The following RFX7 variants were observed in gnomAD, a reference collection of about 807,000 sequenced individuals.
The protein encoded by RFX7 is DNA-binding protein RFX7.
RFX7 carries 26 observed loss-of-function variants against 111.8 expected under a neutral mutation model. That is an observed-to-expected ratio of 0.23 (90% confidence interval 0.17 to 0.32). The LOEUF (loss-of-function observed/expected upper bound fraction) is 0.32, where lower values mean the gene tolerates loss of function less well. Among genes scored for constraint, RFX7 ranks in the 10% least tolerant of loss-of-function variants. The probability of loss-of-function intolerance (pLI) is 1.00; values close to 1 mark genes in which losing one functional copy is unlikely to be tolerated. For missense variants in RFX7, 1,573 were observed against 1,772.9 expected, an observed-to-expected ratio of 0.89 and a Z score of 2.02; for synonymous variants, 624 against 624.4, an observed-to-expected ratio of 1.00 and a Z score of 0.01.
intron 2 of RFX7, among the ~76,000 whole-genome samples, chr15:56,212,085 G>C (rs1482013706): frequency 1.3e-5 from 2 of 152,130 alleles, no homozygotes; most frequent in Non-Finnish European, 2.9e-5. Flanking sequence ...ATTTGCAACA[G>C]TCAAAATTTG....
intron 2 of RFX7, among the ~76,000 whole-genome samples, chr15:56,210,383 T>A (rs1391376255): frequency 6.6e-6 from 1 of 152,094 alleles, no homozygotes; most frequent in Non-Finnish European, 1.5e-5. Flanking sequence ...AAGAGTTCAA[T>A]ATCCCTCTAT....
intron 5 of RFX7, among the ~76,000 whole-genome samples, chr15:56,140,119 C>T (rs1292851452): frequency 1.3e-5 from 2 of 152,186 alleles, no homozygotes; most frequent in African/African-American, 4.8e-5. Context: ...GCAGGCAGGC[C>T]TCCTTGAGCT....
chr15:56,113,196 T>A lies in RFX7; in HGVS notation c.402-9526A>T, dbSNP rs183806367. The stretch of plus-strand genomic sequence containing the variant: ...TAAATCATTCTATTATAAAGACACA[T>A]GCAAATGTATGTTTACTGCAGCACT... On this transcript the variant is annotated intron_variant, in intron 5 of 9. Coordinates refer to ENST00000559447, the MANE Select transcript of RFX7 (RefSeq NM_022841.7). Among the ~76,000 whole-genome samples, 391 of 152,308 alleles carry A rather than the reference T, an allele frequency of 2.6e-3. 1 individual carries two copies. The highest frequency in any genetic ancestry group is 2.0e-3 in the Non-Finnish European group (133 of 68,036).
At chr15:56,107,122 C>G (rs1312575210) in intron 5 of RFX7, among the ~76,000 whole-genome samples, 1 of 151,716 alleles carries the variant, frequency 6.6e-6, no homozygotes, top group Non-Finnish European at 1.5e-5. Flanking sequence ...ACGGTGAAAC[C>G]CTGCCTCTAC....
At chr15:56,223,372 C>T (rs779886073) in intron 2 of RFX7, among the ~76,000 whole-genome samples, 37 of 152,180 alleles carry the variant, frequency 2.4e-4, no homozygotes, top group Non-Finnish European at 4.1e-4. Context: ...CCTCTAGTCT[C>T]TATTTGGGCA....
At chr15:56,205,392 TTTTG>T (rs1288244791) in intron 2 of RFX7, among the ~76,000 whole-genome samples, 3 of 152,208 alleles carry the variant, frequency 2.0e-5, no homozygotes, top group East Asian at 1.9e-4. Context: ...TTTGCCCAAA[TTTTG>T]TTTCTCTCTT....
intron 2 of RFX7, among the ~76,000 whole-genome samples, chr15:56,212,079 G>A (rs191432419): frequency 4.6e-5 from 7 of 152,230 alleles, no homozygotes; most frequent in Admixed American, 2.6e-4. Flanking sequence ...AGATTTATTT[G>A]CAACAGTCAA....
intron 3 of RFX7, among the ~76,000 whole-genome samples, chr15:56,161,191 C>T (rs1363383712): frequency 2.0e-5 from 3 of 152,002 alleles, no homozygotes; most frequent in African/African-American, 7.2e-5. Context: ...AACCCAAAAC[C>T]TGTTTCTCAC....
intron 2 of RFX7, among the ~76,000 whole-genome samples, chr15:56,210,596 A>T (rs1457902673): frequency 6.6e-6 from 1 of 152,120 alleles, no homozygotes; most frequent in African/African-American, 2.4e-5. Context: ...TAAAAATAGA[A>T]ATTATAGAGT....
intron 3 of RFX7, among the ~76,000 whole-genome samples, chr15:56,178,163 A>C (rs2141127617): frequency 8.5e-6 from 1 of 117,368 alleles, no homozygotes; most frequent in Non-Finnish European, 1.8e-5. Flanking sequence ...AAAACCAAAA[A>C]ACTACACACA....
intron 5 of RFX7, among the ~76,000 whole-genome samples, chr15:56,112,942 C>T (rs1211495826): frequency 2.6e-5 from 4 of 152,058 alleles, no homozygotes; most frequent in African/African-American, 7.2e-5. Context: ...CAAATCAAAA[C>T]CACAAAGAGA....
At chr15:56,135,593 T>C (rs1309947165) in intron 5 of RFX7, among the ~76,000 whole-genome samples, 1 of 151,936 alleles carries the variant, frequency 6.6e-6, no homozygotes, top group Admixed American at 6.6e-5. Flanking sequence ...GTAGTTTCTT[T>C]TGCTGTGCAG....
At chr15:56,117,019 T>C (rs1041129852) in intron 5 of RFX7, among the ~76,000 whole-genome samples, 1 of 152,166 alleles carries the variant, frequency 6.6e-6, no homozygotes, top group African/African-American at 2.4e-5. Context: ...AGAGAGGTGC[T>C]GGTAAAGAGA....
intron 5 of RFX7, among the ~76,000 whole-genome samples, chr15:56,133,615 G>C (rs1052277019): frequency 6.6e-6 from 1 of 151,980 alleles, no homozygotes; most frequent in African/African-American, 2.4e-5. Flanking sequence ...ATGATTGTGT[G>C]TCTAACTGAA....
intron 2 of RFX7, among the ~76,000 whole-genome samples, chr15:56,229,585 G>A (rs758020322): frequency 1.1e-4 from 17 of 152,164 alleles, no homozygotes; most frequent in South Asian, 4.1e-4. Context: ...CTCAAACTTC[G>A]GTTTCAGTTA....
chr15:56,129,098 A>C (rs563071933), intron 5 of RFX7, among the ~76,000 whole-genome samples: 1 of 152,280 alleles, frequency 6.6e-6, no homozygotes, highest in African/African-American at 2.4e-5. Context: ...AAACAGGACC[A>C]GGCACAATGG....
At chr15:56,100,385 A>G (rs76910603) in intron 8 of RFX7, among the ~76,000 whole-genome samples, 4,286 of 152,274 alleles carry the variant, frequency 0.028, 201 homozygotes, top group African/African-American at 0.097. Context: ...TTTTTCTGAA[A>G]TGGGTCTTCA....
At position 56,243,877 on chromosome 15, in the gene RFX7, G is replaced by T. The variant is rs1366625821; in HGVS notation, c.-435C>A. ...CCCCGGAGGCAGCCCAGTGCGCGCA[G>T]CCGCACTGCGGCCCGGCGCAGACCG... is the stretch of plus-strand genomic sequence containing the variant. On this transcript the variant is annotated 5_prime_UTR_variant, in exon 1 of 10. The change creates a new upstream start codon in the 5' untranslated region. Transcript: ENST00000559447. 1 of 148,702 alleles carries T rather than the reference G, an allele frequency of 6.7e-6. No homozygotes were observed. Among genetic ancestry groups the T allele is most frequent in the Non-Finnish European group, 1.5e-5 (1 of 66,504 alleles). 9.2% of individuals were successfully genotyped at this position (148,702 alleles called of 1,614,324 possible). A position where few individuals can be genotyped will look rare whatever the true frequency, so the allele number is the denominator to read the frequency against.
chr15:56,224,057 A>G (rs945523368), intron 2 of RFX7, among the ~76,000 whole-genome samples: 6 of 151,924 alleles, frequency 3.9e-5, no homozygotes, highest in African/African-American at 7.3e-5. Flanking sequence ...CTTCAGGGAT[A>G]GGCAAATAAC....
Sources: gnomAD v4.1 joint callset for allele counts (sites outside exome capture counted in the v4.1 genomes callset) on GRCh38, gnomAD v4.1.1 for gene constraint, MANE v1.5 for transcripts, NCBI Gene and HGNC (gene_info 2026-07-23, HGNC 2026-07-21) for gene names.